PDE1A: variants seen among roughly 807,000 people sequenced by gnomAD.
PDE1A encodes the protein dual specificity calcium/calmodulin-dependent 3',5'-cyclic nucleotide phosphodiesterase 1A.
Under a neutral mutation model 61.7 loss-of-function variants are expected in PDE1A, and 35 were observed. The ratio of observed to expected loss-of-function variants is 0.57; its 90% CI spans 0.43 to 0.75. The LOEUF (loss-of-function observed/expected upper bound fraction) is 0.75, where lower values mean the gene tolerates loss of function less well. PDE1A is among the 30% of genes least tolerant of loss of function. PDE1A has a pLI of 0.00. For synonymous variants in PDE1A, 232 were observed against 213.2 expected, an observed-to-expected ratio of 1.09 and a Z score of -0.77; for missense variants, 597 against 630.6, an observed-to-expected ratio of 0.95 and a Z score of 0.57.
At chr2:182,320,682 C>T (rs1696642132) in intron 1 of PDE1A, among the ~76,000 whole-genome samples, 1 of 152,130 alleles carries the variant, frequency 6.6e-6, no homozygotes, top group Admixed American at 6.6e-5. Flanking sequence ...CAATAAATCA[C>T]TTTTCCAATG....
At chr2:182,597,215 T>C in the PDE1A span, among the ~76,000 whole-genome samples, 2 of 151,736 alleles carry the variant, frequency 1.3e-5, no homozygotes, top group African/African-American at 4.8e-5. Flanking sequence ...TGATTTGGAG[T>C]TTCAGACTTA....
upstream of PDE1A, among the ~76,000 whole-genome samples, chr2:182,524,714 A>G (rs185854414): frequency 6.6e-6 from 1 of 152,224 alleles, no homozygotes; most frequent in Admixed American, 6.5e-5. Flanking sequence ...AGAGAATTCA[A>G]ATCATTTTTC....
chr2:182,155,051 A>G (rs1690995867), intron 13 of PDE1A, among the ~76,000 whole-genome samples: 1 of 144,702 alleles, frequency 6.9e-6, no homozygotes, highest in Non-Finnish European at 1.5e-5. Flanking sequence ...GGGCCCAAAC[A>G]TGAATATAAA....
At chr2:182,235,592 T>C (rs888527730) in intron 3 of PDE1A, among the ~76,000 whole-genome samples, 2 of 152,176 alleles carry the variant, frequency 1.3e-5, no homozygotes, top group Non-Finnish European at 2.9e-5. Context: ...ATAGTAATAG[T>C]GCTTCTATTC....
the PDE1A span, among the ~76,000 whole-genome samples, chr2:182,540,014 C>T: frequency 6.6e-6 from 1 of 152,128 alleles, no homozygotes. Flanking sequence ...AGAAATAAGA[C>T]ATTGACCTAA....
intron 1 of PDE1A, among the ~76,000 whole-genome samples, chr2:182,287,431 A>ATTTACCTATCTATTTATGAC (rs1694239592): frequency 6.6e-6 from 1 of 152,010 alleles, no homozygotes; most frequent in South Asian, 2.1e-4. Context: ...TATCACGTCT[A>ATTTACCTATCTATTTATGAC]TTTACCTATC....
chr2:182,403,214 A>T (rs1702104329), intron 1 of PDE1A, among the ~76,000 whole-genome samples: 3 of 152,224 alleles, frequency 2.0e-5, no homozygotes, highest in Admixed American at 6.5e-5. Flanking sequence ...GTACAAAGAC[A>T]CATGCACACA....
At chr2:182,512,115 C>T (rs988136146) in intron 2 of PDE1A, among the ~76,000 whole-genome samples, 1 of 152,190 alleles carries the variant, frequency 6.6e-6, no homozygotes, top group Non-Finnish European at 1.5e-5. Flanking sequence ...CACCACTACC[C>T]TACCGCCACT....
the PDE1A span, among the ~76,000 whole-genome samples, chr2:182,618,995 G>A: frequency 2.7e-5 from 4 of 150,248 alleles, no homozygotes; most frequent in South Asian, 2.1e-4. Flanking sequence ...TTCGTCCAGC[G>A]CCAGTTAGTG....
At chr2:182,178,753 A>G (rs1684500022) in intron 13 of PDE1A, among the ~76,000 whole-genome samples, 2 of 152,062 alleles carry the variant, frequency 1.3e-5, no homozygotes, top group Admixed American at 6.6e-5. Flanking sequence ...TCTGATGTGA[A>G]GACCAGCCTG....
At chr2:182,705,856 G>A in the PDE1A span, among the ~76,000 whole-genome samples, 1 of 152,164 alleles carries the variant, frequency 6.6e-6, no homozygotes, top group African/African-American at 2.4e-5. Flanking sequence ...TGACAGTAGA[G>A]TTAAACAGTT....
intron 1 of PDE1A, among the ~76,000 whole-genome samples, chr2:182,409,931 A>G (rs1165659166): frequency 6.6e-6 from 1 of 152,220 alleles, no homozygotes; most frequent in Admixed American, 6.5e-5. Context: ...AATATAAAGA[A>G]CTCAAAATCA....
chr2:182,462,805 T>TC (rs1686396120), intron 2 of PDE1A, among the ~76,000 whole-genome samples: 1 of 152,038 alleles, frequency 6.6e-6, no homozygotes, highest in African/African-American at 2.4e-5. Flanking sequence ...ACCTTGAAAC[T>TC]TTTTTTTATT....
intron 13 of PDE1A, 43 bp from the exon 14 acceptor site, chr2:182,147,195 G>T: frequency 1.6e-6 from 2 of 1,217,734 alleles, no homozygotes; most frequent in Non-Finnish European, 2.4e-6. Flanking sequence ...ACAAAATAAG[G>T]CTTTGGAAAA....
chr2:182,625,750 T>C, the PDE1A span, among the ~76,000 whole-genome samples: 3 of 152,192 alleles, frequency 2.0e-5, no homozygotes, highest in Admixed American at 2.0e-4. Flanking sequence ...AAAGCCAATA[T>C]GTACTTTTGA....
At chr2:182,389,367 T>C (rs1269116935) in intron 1 of PDE1A, among the ~76,000 whole-genome samples, 1 of 152,150 alleles carries the variant, frequency 6.6e-6, no homozygotes, top group East Asian at 1.9e-4. Flanking sequence ...TATGAGGTTG[T>C]GTATATATTC....
intron 1 of PDE1A, among the ~76,000 whole-genome samples, chr2:182,387,060 T>C (rs999958264): frequency 1.3e-5 from 2 of 152,202 alleles, no homozygotes; most frequent in Non-Finnish European, 2.9e-5. Flanking sequence ...AGACTTCATT[T>C]TGTTCTGTAC....
intron 1 of PDE1A, among the ~76,000 whole-genome samples, chr2:182,381,102 T>C (rs192158643): frequency 1.3e-5 from 2 of 152,218 alleles, no homozygotes; most frequent in East Asian, 1.9e-4. Flanking sequence ...AGGACAGGAA[T>C]GTAGACAGTC....
intron 1 of PDE1A, among the ~76,000 whole-genome samples, chr2:182,353,404 T>C (rs1699001939): frequency 6.6e-6 from 1 of 152,202 alleles, no homozygotes; most frequent in Non-Finnish European, 1.5e-5. Context: ...CTCTTTCACC[T>C]CTATTCTGAG....
Sources: gnomAD v4.1 joint callset for allele counts (sites outside exome capture counted in the v4.1 genomes callset) on GRCh38, gnomAD v4.1.1 for gene constraint, MANE v1.5 for transcripts, NCBI Gene and HGNC (gene_info 2026-07-23, HGNC 2026-07-21) for gene names.